CDKAL1: variants seen among roughly 807,000 people sequenced by gnomAD.
The protein encoded by CDKAL1 is threonylcarbamoyladenosine tRNA methylthiotransferase.
Under a neutral mutation model 68.2 loss-of-function variants are expected in CDKAL1, and 32 were observed. The ratio of observed to expected loss-of-function variants is 0.47; its 90% CI spans 0.35 to 0.63. The LOEUF is 0.63. Ranked by LOEUF, CDKAL1 falls within the 30% of genes least tolerant of loss-of-function variation. The pLI is 0.00. For synonymous variants in CDKAL1, 234 were observed against 244.3 expected (o/e 0.96, Z 0.39); for missense variants, 606 against 696.7 (o/e 0.87, Z 1.47).
In CDKAL1 at chr6:20,971,909, T is replaced by G. The variant is rs147551496; in HGVS notation, c.909+16324T>G. Among the ~76,000 whole-genome samples, 142 of 152,314 alleles carry G rather than the reference T, an allele frequency of 9.3e-4. 2 individuals are homozygous for G. In the East Asian group the frequency reaches 0.024, roughly 26 times the overall value. ...TCATTTTACTTGATGTGACCTTGAA[T>G]TAAAAAAAATAACGTGAAAAAACTG... On this transcript the variant is annotated intron_variant, in intron 10 of 15. Coordinates refer to ENST00000274695, the MANE Select transcript of CDKAL1 (RefSeq NM_017774.3).
intron 5 of CDKAL1, among the ~76,000 whole-genome samples, chr6:20,685,163 G>A (rs184785014): frequency 2.6e-5 from 4 of 152,114 alleles, no homozygotes; most frequent in Admixed American, 6.5e-5. Flanking sequence ...GAGCCATTTC[G>A]ATCTAATTTT....
chr6:20,586,978 GTTTTTTTTTTT>G (rs750210435), intron 4 of CDKAL1, among the ~76,000 whole-genome samples: 1 of 44,452 alleles, frequency 2.2e-5, no homozygotes, highest in East Asian at 8.1e-4. Flanking sequence ...TCCTCCAGGT[GTTTTTTTTTTT>G]TTTTTTTTTT....
chr6:20,821,591 G>T (rs541976312), intron 8 of CDKAL1, among the ~76,000 whole-genome samples: 1 of 149,946 alleles, frequency 6.7e-6, no homozygotes, highest in South Asian at 2.2e-4. Flanking sequence ...CTGCTCAAGG[G>T]CAGGGATTTT....
intron 4 of CDKAL1, among the ~76,000 whole-genome samples, chr6:20,581,662 A>G (rs1212325215): frequency 2.0e-5 from 3 of 152,224 alleles, no homozygotes; most frequent in Non-Finnish European, 4.4e-5. Flanking sequence ...AGCCTTCAGA[A>G]CTGAGCAGTT....
At position 20,589,225 on chromosome 6, in the gene CDKAL1, A is replaced by G. The variant is rs192790140; in HGVS notation, c.286+40520A>G. Reference sequence around the variant, plus strand: ...GAACCATTAAAATACTAAAGATACTAGTAAAGAAAAAGATACTAATGACAA... The same window carrying G: ...GAACCATTAAAATACTAAAGATACTGGTAAAGAAAAAGATACTAATGACAA... On this transcript the variant is annotated intron_variant, in intron 4 of 15. Coordinates refer to ENST00000274695, the MANE Select transcript of CDKAL1 (RefSeq NM_017774.3). Among the ~76,000 whole-genome samples, 330 of 152,356 alleles carry G rather than the reference A, an allele frequency of 2.2e-3. 1 individual carries two copies. The highest frequency in any genetic ancestry group is 7.3e-3 in the African/African-American group (304 of 41,594).
intron 4 of CDKAL1, among the ~76,000 whole-genome samples, chr6:20,635,540 C>T (rs1424138741): frequency 2.0e-5 from 3 of 152,144 alleles, no homozygotes; most frequent in Non-Finnish European, 4.4e-5. Flanking sequence ...ACTGGTTGAG[C>T]GTCCCTAATC....
At chr6:20,804,792 G>A (rs772126786) in intron 8 of CDKAL1, among the ~76,000 whole-genome samples, 18 of 152,092 alleles carry the variant, frequency 1.2e-4, no homozygotes, top group African/African-American at 4.3e-4. Context: ...GTATCTGGGA[G>A]CCTGACTCCT....
chr6:21,096,206 G>A (rs902176197), intron 12 of CDKAL1, among the ~76,000 whole-genome samples: 2 of 152,154 alleles, frequency 1.3e-5, no homozygotes, highest in East Asian at 1.9e-4. Flanking sequence ...GGGGTTATTC[G>A]GGGTAGGGAG....
intron 9 of CDKAL1, among the ~76,000 whole-genome samples, chr6:20,858,111 G>A (rs1208488634): frequency 2.0e-5 from 3 of 152,122 alleles, no homozygotes; most frequent in African/African-American, 4.8e-5. Context: ...TGCCCACCTC[G>A]GCCTCCCAAA....
intron 7 of CDKAL1, among the ~76,000 whole-genome samples, chr6:20,774,213 G>C (rs1052677293): frequency 6.6e-6 from 1 of 152,064 alleles, no homozygotes; most frequent in African/African-American, 2.4e-5. Flanking sequence ...AAAAAGTAAA[G>C]GGAAAAAATA....
chr6:21,197,914 A>C, intron 13 of CDKAL1, 107 bp from the exon 14 acceptor site: 1 of 561,444 alleles, frequency 1.8e-6, no homozygotes, highest in Non-Finnish European at 3.1e-6. Flanking sequence ...AAATTCAAGA[A>C]GACGCTACTT....
At chr6:20,778,985 G>A (rs923753021) in intron 7 of CDKAL1, among the ~76,000 whole-genome samples, 1 of 151,994 alleles carries the variant, frequency 6.6e-6, no homozygotes, top group African/African-American at 2.4e-5. Context: ...AAAATTAATC[G>A]TCATAACATT....
chr6:21,038,427 G>T (rs62403410), intron 11 of CDKAL1, among the ~76,000 whole-genome samples: 14,575 of 152,256 alleles, frequency 0.096, 797 homozygotes, highest in Middle Eastern at 0.13. Flanking sequence ...GGGCAGAAGG[G>T]AACAGAATAA....
At chr6:21,048,602 A>G (rs1188456396) in intron 11 of CDKAL1, among the ~76,000 whole-genome samples, 6 of 152,186 alleles carry the variant, frequency 3.9e-5, no homozygotes, top group Non-Finnish European at 8.8e-5. Context: ...AAAACTTGAA[A>G]TGTAATGTTT....
chr6:21,025,461 G>C (rs1430125686), intron 11 of CDKAL1, among the ~76,000 whole-genome samples: 1 of 152,114 alleles, frequency 6.6e-6, no homozygotes, highest in African/African-American at 2.4e-5. Flanking sequence ...AAATGCAAAA[G>C]TGGATGAATA....
At chr6:21,013,536 A>T (rs955252091) in intron 11 of CDKAL1, among the ~76,000 whole-genome samples, 4 of 152,212 alleles carry the variant, frequency 2.6e-5, no homozygotes, top group Non-Finnish European at 5.9e-5. Flanking sequence ...TCAGCTTGCA[A>T]CCAGCTAGCC....
intron 7 of CDKAL1, among the ~76,000 whole-genome samples, chr6:20,770,788 A>G (rs1359987346): frequency 6.6e-6 from 1 of 152,212 alleles, no homozygotes; most frequent in Admixed American, 6.5e-5. Context: ...GCTTGGTTTT[A>G]AGAAGTGGAA....
chr6:21,046,506 G>T (rs114336611), intron 11 of CDKAL1, among the ~76,000 whole-genome samples: 2,220 of 152,340 alleles, frequency 0.015, 55 homozygotes, highest in African/African-American at 0.051. Flanking sequence ...TTGCAGGTCA[G>T]TGAAGCCTGT....
chr6:20,620,264 A>G (rs1216762567), intron 4 of CDKAL1, among the ~76,000 whole-genome samples: 1 of 152,218 alleles, frequency 6.6e-6, no homozygotes, highest in Admixed American at 6.5e-5. Context: ...ATGTATATTT[A>G]ACAAGATAGC....
Sources: allele counts gnomAD v4.1 joint callset (sites outside exome capture counted in the v4.1 genomes callset), GRCh38; gene constraint gnomAD v4.1.1; transcripts MANE v1.5; gene names NCBI Gene and HGNC (gene_info 2026-07-23, HGNC 2026-07-21).